CNTN5: variants seen among roughly 807,000 people sequenced by gnomAD.
CNTN5 encodes the protein contactin-5.
In CNTN5, 77 loss-of-function variants were observed where a neutral mutation model predicts 129.1. The ratio of observed to expected loss-of-function variants is 0.60; its 90% CI spans 0.50 to 0.72. The LOEUF is 0.72. Ranked by LOEUF, CNTN5 falls within the 30% of genes least tolerant of loss-of-function variation. The pLI is 0.00. For missense variants in CNTN5, 1,478 were observed against 1,328.8 expected (o/e 1.11, Z -1.75); for synonymous variants, 509 against 465.6 (o/e 1.09, Z -1.20).
chr11:99,749,913 C>A (rs1315497529), intron 3 of CNTN5, among the ~76,000 whole-genome samples: 1 of 152,146 alleles, frequency 6.6e-6, no homozygotes, highest in Non-Finnish European at 1.5e-5. Context: ...AATTTTTTCC[C>A]TTGAAACAAT....
intron 3 of CNTN5, among the ~76,000 whole-genome samples, chr11:99,722,556 A>T (rs1943207663): frequency 6.6e-6 from 1 of 152,072 alleles, no homozygotes; most frequent in African/African-American, 2.4e-5. Flanking sequence ...TAATTAAATA[A>T]TATCTACAAC....
At chr11:99,522,277 A>T (rs1947301221) in intron 2 of CNTN5, among the ~76,000 whole-genome samples, 1 of 152,190 alleles carries the variant, frequency 6.6e-6, no homozygotes, top group South Asian at 2.1e-4. Context: ...AACTGTTGTC[A>T]TTATGGAATT....
intron 2 of CNTN5, among the ~76,000 whole-genome samples, chr11:99,381,604 CT>C (rs1940564494): frequency 6.6e-6 from 1 of 152,052 alleles, no homozygotes; most frequent in African/African-American, 2.4e-5. Flanking sequence ...TCTCACAGTA[CT>C]TTTTATATAT....
intron 7 of CNTN5, among the ~76,000 whole-genome samples, chr11:99,934,628 G>A (rs1392149378): frequency 1.3e-5 from 2 of 151,978 alleles, no homozygotes; most frequent in African/African-American, 4.8e-5. Flanking sequence ...GGTTTCTCAT[G>A]CCTGTAATCC....
At chr11:99,126,479 A>G (rs1858639837) in intron 1 of CNTN5, among the ~76,000 whole-genome samples, 1 of 152,174 alleles carries the variant, frequency 6.6e-6, no homozygotes, top group South Asian at 2.1e-4. Context: ...CTTCTCCTGA[A>G]TAGGTAGAGG....
chr11:99,238,863 G>T (rs1861407722), intron 1 of CNTN5, among the ~76,000 whole-genome samples: 1 of 152,046 alleles, frequency 6.6e-6, no homozygotes, highest in African/African-American at 2.4e-5. Flanking sequence ...ATTCATAGAT[G>T]CAAAAATATA....
rs540032873 is a variant in CNTN5, at chr11:99,442,662, A to G, written c.-70-113483A>G. 3.3e-5 allele frequency among the ~76,000 whole-genome samples: 5 copies of G among 152,374 alleles called. No individual in the cohort carries two copies. In the South Asian group the frequency reaches 8.3e-4, roughly 25 times the overall value. The stretch of plus-strand genomic sequence containing the variant: ...GTCTGTGACTCCTGCAATAAAGGCT[A>G]GAACAAAGACATATAAAACCAGTTT... On this transcript the variant is annotated intron_variant, in intron 2 of 24. Transcript: ENST00000524871.
chr11:99,267,280 C>T (rs888066180), intron 1 of CNTN5, among the ~76,000 whole-genome samples: 2 of 151,920 alleles, frequency 1.3e-5, no homozygotes, highest in Non-Finnish European at 2.9e-5. Context: ...AATGAAATAA[C>T]CACGTGAGTT....
intron 1 of CNTN5, among the ~76,000 whole-genome samples, chr11:99,095,655 C>A (rs1166363008): frequency 6.6e-6 from 1 of 151,666 alleles, no homozygotes; most frequent in Admixed American, 6.6e-5. Flanking sequence ...ATGTAGGTGC[C>A]TGTGTATAGT....
chr11:99,982,369 T>C (rs1267527362), intron 8 of CNTN5, among the ~76,000 whole-genome samples: 1 of 152,072 alleles, frequency 6.6e-6, no homozygotes, highest in Non-Finnish European at 1.5e-5. Flanking sequence ...TTTAGAAAGA[T>C]AAATATGAAG....
intron 1 of CNTN5, among the ~76,000 whole-genome samples, chr11:99,034,694 A>G (rs1452065366): frequency 6.6e-6 from 1 of 151,798 alleles, no homozygotes; most frequent in African/African-American, 2.4e-5. Context: ...CAGTTTATCA[A>G]TTTTGTTGAT....
At chr11:99,067,384 A>G (rs956469621) in intron 1 of CNTN5, among the ~76,000 whole-genome samples, 7 of 151,804 alleles carry the variant, frequency 4.6e-5, no homozygotes, top group Non-Finnish European at 8.8e-5. Context: ...AGTTCTGCCA[A>G]TGGAGACATG....
At chr11:99,247,611 T>C (rs1423259090) in intron 1 of CNTN5, among the ~76,000 whole-genome samples, 1 of 125,116 alleles carries the variant, frequency 8.0e-6, no homozygotes, top group East Asian at 2.2e-4. Flanking sequence ...TCCCTCCCCC[T>C]TTCCCCCATC....
intron 13 of CNTN5, among the ~76,000 whole-genome samples, chr11:100,147,856 A>G (rs1946907610): frequency 6.6e-6 from 1 of 152,180 alleles, no homozygotes; most frequent in African/African-American, 2.4e-5. Context: ...CAGGTTTTCT[A>G]TAAATAAAAC....
At chr11:99,398,374 A>T (rs550843350) in intron 2 of CNTN5, among the ~76,000 whole-genome samples, 2 of 152,062 alleles carry the variant, frequency 1.3e-5, no homozygotes, top group East Asian at 3.9e-4. Context: ...TGAATGAATT[A>T]TTTGATTTGC....
Position 99,683,010 on chromosome 11 carries a change from G to T in CNTN5, c.55+126741G>T, listed in dbSNP as rs113087891. ...CAATAGTGTTGCCTTTTATTCTGTTGAATTGTCTTATTGATCTGGAAGTAT... is the reference window on the plus strand; with the variant it reads ...CAATAGTGTTGCCTTTTATTCTGTTTAATTGTCTTATTGATCTGGAAGTAT... On this transcript the variant is annotated intron_variant, in intron 3 of 24. Coordinates refer to ENST00000524871, the MANE Select transcript of CNTN5 (RefSeq NM_014361.4). 2.1e-3 allele frequency among the ~76,000 whole-genome samples: 318 copies of T among 151,896 alleles called. 17 individuals are homozygous for T. In the South Asian group the frequency reaches 0.063, roughly 30 times the overall value.
intron 2 of CNTN5, among the ~76,000 whole-genome samples, chr11:99,405,288 C>T (rs1315981995): frequency 1.3e-5 from 2 of 152,120 alleles, no homozygotes; most frequent in Non-Finnish European, 2.9e-5. Context: ...ATCCCTTTGA[C>T]TAACATTCTA....
chr11:99,458,610 T>A (rs1342204403), intron 2 of CNTN5, among the ~76,000 whole-genome samples: 1 of 151,980 alleles, frequency 6.6e-6, no homozygotes, highest in Non-Finnish European at 1.5e-5. Context: ...GAAAACCGAT[T>A]TCCTTAAAGC....
chr11:99,614,598 C>G (rs182379366), intron 3 of CNTN5, among the ~76,000 whole-genome samples: 24 of 152,280 alleles, frequency 1.6e-4, no homozygotes, highest in Non-Finnish European at 3.2e-4. Context: ...GAAAAGGAAT[C>G]CAGTATCCAC....
Sources: gnomAD v4.1 joint callset for allele counts (sites outside exome capture counted in the v4.1 genomes callset) on GRCh38, gnomAD v4.1.1 for gene constraint, MANE v1.5 for transcripts, NCBI Gene and HGNC (gene_info 2026-07-23, HGNC 2026-07-21) for gene names.